Variants in MTMR8 observed in about 807,000 individuals in gnomAD.
MTMR8 encodes the protein phosphatidylinositol-3,5-bisphosphate 3-phosphatase MTMR8.
Under a neutral mutation model 39.3 loss-of-function variants are expected in MTMR8, and 65 were observed. The ratio of observed to expected loss-of-function variants is 1.65; its 90% confidence interval spans 1.35 to 2.03. The LOEUF (loss-of-function observed/expected upper bound fraction) is 2.03, where lower values mean the gene tolerates loss of function less well. Ranked by LOEUF, MTMR8 falls within the 30% of genes most tolerant of loss-of-function variation. The pLI is 0.00. For synonymous variants in MTMR8, 245 were observed against 185.2 expected (o/e 1.32, Z -2.62); for missense variants, 777 against 538.9 (o/e 1.44, Z -4.37).
chrX:64,309,313 A>G (rs1922223013), intron 12 of MTMR8, among the ~76,000 whole-genome samples: 1 of 109,906 alleles, frequency 9.1e-6, no homozygotes, highest in African/African-American at 3.4e-5. Flanking sequence ...TTGATCTTGC[A>G]TATATTTCGT....
intron 12 of MTMR8, among the ~76,000 whole-genome samples, chrX:64,286,575 C>A (rs1042385583): frequency 1.8e-5 from 2 of 111,965 alleles, no homozygotes; most frequent in Admixed American, 9.5e-5. Context: ...AAAATACTGG[C>A]AAACTGAATC....
At chrX:64,304,560 T>A (rs1390864907) in intron 12 of MTMR8, among the ~76,000 whole-genome samples, 1 of 110,764 alleles carries the variant, frequency 9.0e-6, no homozygotes, top group African/African-American at 3.3e-5. Flanking sequence ...AATTCTCTTT[T>A]ACGGTTACAA....
intron 9 of MTMR8, among the ~76,000 whole-genome samples, chrX:64,336,906 A>T (rs1923091943): frequency 8.9e-6 from 1 of 112,490 alleles, no homozygotes. Context: ...TAGATTCAGC[A>T]TTAGAAAACA....
At chrX:64,312,733 T>A (rs1922351286) in intron 12 of MTMR8, among the ~76,000 whole-genome samples, 1 of 112,296 alleles carries the variant, frequency 8.9e-6, no homozygotes, top group African/African-American at 3.2e-5. Context: ...TAATAAGACC[T>A]GAAAGTCAAA....
intron 12 of MTMR8, among the ~76,000 whole-genome samples, chrX:64,294,714 G>GT (rs1350518820): frequency 8.9e-6 from 1 of 111,791 alleles, no homozygotes; most frequent in East Asian, 2.8e-4. Context: ...ATAGATGACT[G>GT]TCTTTTTGCT....
chrX:64,271,158 A>G, intron 12 of MTMR8, 85 bp from the exon 13 acceptor site: 1 of 991,876 alleles, frequency 1.0e-6, no homozygotes. Flanking sequence ...CCAAGAAAAT[A>G]TTGGCTTAGT....
intron 12 of MTMR8, among the ~76,000 whole-genome samples, chrX:64,287,419 C>T (rs1490748619): frequency 9.0e-6 from 1 of 111,422 alleles, no homozygotes; most frequent in Non-Finnish European, 1.9e-5. Flanking sequence ...AATGCCATCC[C>T]CATCAAGCTA....
intron 1 of MTMR8, among the ~76,000 whole-genome samples, chrX:64,364,825 G>T (rs750895935): frequency 9.0e-6 from 1 of 111,699 alleles, no homozygotes; most frequent in South Asian, 3.8e-4. Context: ...AGCTAAAGAA[G>T]GATGTTCGAA....
chrX:64,364,981 C>A (rs1923906081), intron 1 of MTMR8, among the ~76,000 whole-genome samples: 2 of 111,007 alleles, frequency 1.8e-5, no homozygotes, highest in Admixed American at 9.6e-5. Flanking sequence ...GCTTCAATAG[C>A]CGATTCGATC....
chrX:64,326,750 G>GA (rs1162054593), intron 12 of MTMR8, among the ~76,000 whole-genome samples: 86 of 104,994 alleles, frequency 8.2e-4, no homozygotes, highest in East Asian at 1.2e-3. Flanking sequence ...AACTTGTGGG[G>GA]AAAAAAAAAA....
At chrX:64,352,987 A>T (rs1210217971) in intron 4 of MTMR8, among the ~76,000 whole-genome samples, 3 of 111,713 alleles carry the variant, frequency 2.7e-5, no homozygotes, top group Non-Finnish European at 5.6e-5. Context: ...GCGCTTTATG[A>T]TATGGCTTCA....
chrX:64,328,872 G>A lies in MTMR8; in HGVS notation c.1381C>T (p.Pro461Ser), dbSNP rs766994092. ...TCTGGTTTCCTCTGAACCAAGAAAG[G>A]CCACACAGAATGTGTTTTCTCATAG... ...RVYEKTHSVW[P>S]FLVQRKPDFR... Residue 461 changes from proline (P) to serine (S), a missense_variant, in exon 12 of 14, where the codon CCT becomes TCT. Pro to Ser is a moderately conservative substitution (Grantham distance 74). Transcript: ENST00000374852. 1.1e-4 allele frequency: 132 copies of A among 1,193,025 alleles called. No individual in the cohort carries two copies. The highest frequency in any genetic ancestry group is 1.4e-4 in the Non-Finnish European group (128 of 890,033).
intron 1 of MTMR8, among the ~76,000 whole-genome samples, chrX:64,361,989 A>G (rs1227742552): frequency 9.0e-6 from 1 of 111,270 alleles, no homozygotes; most frequent in Non-Finnish European, 1.9e-5. Flanking sequence ...GATACCAAAT[A>G]TAATATCAAC....
At chrX:64,352,382 A>G (rs1163885736) in intron 4 of MTMR8, among the ~76,000 whole-genome samples, 1 of 111,481 alleles carries the variant, frequency 9.0e-6, no homozygotes, top group African/African-American at 3.3e-5. Flanking sequence ...AATCACAGTC[A>G]TAAGTATGAC....
At chrX:64,364,273 G>A (rs960908245) in intron 1 of MTMR8, among the ~76,000 whole-genome samples, 12 of 112,518 alleles carry the variant, frequency 1.1e-4, no homozygotes, top group East Asian at 2.8e-4. Flanking sequence ...GAGAAAGGAC[G>A]GAATGCATCT....
chrX:64,277,247 TA>T lies in MTMR8; in HGVS notation c.1482-6175del, dbSNP rs1372616718. Among the ~76,000 whole-genome samples, 5 of 112,055 alleles carry T rather than the reference TA, an allele frequency of 4.5e-5. No individual in the cohort carries two copies. The Admixed American group carries it at 4.7e-4, about 11-fold the overall frequency. ...TTGGGGCATTTAGCCCATTTACATT[TA>T]AGGTTAATATTGTTATGTGTGAATT... On this transcript the variant is annotated intron_variant, in intron 12 of 13. Coordinates refer to ENST00000374852, the MANE Select transcript of MTMR8 (RefSeq NM_017677.4).
rs1431731537 is a variant in MTMR8 at position 64,352,713 on chromosome X, C to A, written c.468+2064G>T. Among the ~76,000 whole-genome samples the A allele has an allele frequency of 3.6e-5, 4 of 111,472 alleles. No homozygotes were observed. In the Admixed American group the frequency reaches 3.8e-4, roughly 11 times the overall value. ...ACTTTTCTAGCCACATTTGATCTGT[C>A]ACCAGTTGCTTTCAATTCTACCACC... On this transcript the variant is annotated intron_variant, in intron 4 of 13. Coordinates refer to ENST00000374852, the MANE Select transcript of MTMR8 (RefSeq NM_017677.4).
intron 12 of MTMR8, among the ~76,000 whole-genome samples, chrX:64,282,628 G>A (rs887943197): frequency 2.7e-5 from 3 of 111,554 alleles, no homozygotes; most frequent in Admixed American, 9.5e-5. Flanking sequence ...TAAAATTATT[G>A]ACAGTGAACA....
At chrX:64,364,884 T>A (rs1198922380) in intron 1 of MTMR8, among the ~76,000 whole-genome samples, 2 of 111,319 alleles carry the variant, frequency 1.8e-5, no homozygotes, top group Non-Finnish European at 3.8e-5. Context: ...GACGAATGGC[T>A]AACTAGAATA....
Sources: gnomAD v4.1 joint callset for allele counts (sites outside exome capture counted in the v4.1 genomes callset) on GRCh38, gnomAD v4.1.1 for gene constraint, MANE v1.5 for transcripts, NCBI Gene and HGNC (gene_info 2026-07-23, HGNC 2026-07-21) for gene names.